Variants in VAV2 observed in about 807,000 individuals in gnomAD.
The protein encoded by VAV2 is vav guanine nucleotide exchange factor 2.
In VAV2, 67 loss-of-function variants were observed where a neutral mutation model predicts 132.5. The observed-to-expected ratio is 0.51, with a 90% CI of 0.42 to 0.62. The LOEUF (loss-of-function observed/expected upper bound fraction) is 0.62, where lower values mean the gene tolerates loss of function less well. Ranked by LOEUF, VAV2 falls within the 20% of genes least tolerant of loss-of-function variation. The pLI is 0.00. For missense variants in VAV2, 938 were observed against 1,153.6 expected, an observed-to-expected ratio of 0.81 and a Z score of 2.71; for synonymous variants, 492 against 443.5, an observed-to-expected ratio of 1.11 and a Z score of -1.37.
intron 3 of VAV2, among the ~76,000 whole-genome samples, chr9:133,853,069 T>G (rs1325925553): frequency 6.6e-6 from 1 of 152,052 alleles, no homozygotes; most frequent in East Asian, 1.9e-4. Flanking sequence ...GTGGCAAGAC[T>G]GGATTCCAGC....
chr9:133,920,251 T>C (rs1401885101), intron 2 of VAV2, among the ~76,000 whole-genome samples: 4 of 152,238 alleles, frequency 2.6e-5, no homozygotes, highest in Non-Finnish European at 5.9e-5. Context: ...GTCCGGGCTC[T>C]GCCTCCAGTC....
intron 2 of VAV2, among the ~76,000 whole-genome samples, chr9:133,929,427 G>T (rs753681693): frequency 6.6e-5 from 10 of 152,188 alleles, no homozygotes; most frequent in Non-Finnish European, 1.0e-4. Flanking sequence ...GTGCTGTGCT[G>T]ACAGGTGGGA....
At position 133,834,138 on chromosome 9, in the gene VAV2, GC is replaced by G; in HGVS notation, c.449+133del. The G allele has an allele frequency of 1.0e-6, 1 of 969,862 alleles. No homozygotes were observed. 60.1% of individuals were successfully genotyped at this position (969,862 alleles called of 1,614,324 possible). On this transcript the variant is annotated intron_variant, in intron 4 of 29. Coordinates refer to ENST00000371850, the MANE Select transcript of VAV2 (RefSeq NM_001134398.2). This position sits in a 1 kb window ranked among gnomAD's most constrained non-coding sequence, Gnocchi z 5.9. ...ACACCATGACCCATCATGAGGAGATGCCCCGGTGGGAAGGGCCAGGGCCAGC... is the reference window on the plus strand; with the variant it reads ...ACACCATGACCCATCATGAGGAGATGCCCGGTGGGAAGGGCCAGGGCCAGC...
At chr9:133,925,247 C>T (rs1280226638) in intron 2 of VAV2, among the ~76,000 whole-genome samples, 5 of 152,216 alleles carry the variant, frequency 3.3e-5, no homozygotes, top group African/African-American at 4.8e-5. Flanking sequence ...GACAGGGTCT[C>T]GCTCTGTTGC....
chr9:133,933,567 TGG>T (rs1840766364), intron 2 of VAV2, among the ~76,000 whole-genome samples: 1 of 148,658 alleles, frequency 6.7e-6, no homozygotes, highest in Non-Finnish European at 1.5e-5. Context: ...GGTGGATGGA[TGG>T]ATGGATGGTG....
chr9:133,819,043 C>CCTCCATAAACAAGTTT (rs1449745464), intron 4 of VAV2, among the ~76,000 whole-genome samples: 1 of 152,112 alleles, frequency 6.6e-6, no homozygotes, highest in Non-Finnish European at 1.5e-5. Flanking sequence ...CTGTGCCCAG[C>CCTCCATAAACAAGTTT]CACGCCTGTG....
At chr9:133,810,120 G>C (rs1835303450) in intron 6 of VAV2, 71 bp downstream of exon 6, 3 of 1,603,220 alleles carry the variant, frequency 1.9e-6, no homozygotes. Context: ...AGAGAGGTCT[G>C]AGACCTCCCT....
At chr9:133,766,117 A>C (rs1029559450) in intron 29 of VAV2, among the ~76,000 whole-genome samples, 2 of 152,222 alleles carry the variant, frequency 1.3e-5, no homozygotes, top group Non-Finnish European at 1.5e-5. Context: ...AAATACAATA[A>C]TGCAGGAGGA....
intron 2 of VAV2, among the ~76,000 whole-genome samples, chr9:133,933,993 T>C (rs1413889996): frequency 2.1e-5 from 3 of 143,442 alleles, no homozygotes; most frequent in East Asian, 2.2e-4. Flanking sequence ...GGTGAATGGG[T>C]GGGTAGATGG....
At chr9:133,908,431 C>T (rs1298198861) in intron 2 of VAV2, among the ~76,000 whole-genome samples, 2 of 152,112 alleles carry the variant, frequency 1.3e-5, no homozygotes, top group Non-Finnish European at 2.9e-5. Flanking sequence ...CAACCTCACA[C>T]CCTCTTCCCC....
chr9:133,771,887 G>A (rs1016898462), intron 26 of VAV2, 72 bp downstream of exon 26: 42 of 1,406,430 alleles, frequency 3.0e-5, no homozygotes, highest in Middle Eastern at 1.8e-4. Flanking sequence ...ATGGCCACTC[G>A]CTCAGGGCCG....
intron 2 of VAV2, among the ~76,000 whole-genome samples, chr9:133,867,125 G>A (rs989112615): frequency 3.9e-5 from 6 of 152,120 alleles, no homozygotes; most frequent in Admixed American, 2.6e-4. Flanking sequence ...GTGAGGACAC[G>A]GCCATGGGTC....
At chr9:133,848,841 G>T (rs1013550946) in intron 3 of VAV2, among the ~76,000 whole-genome samples, 1 of 152,218 alleles carries the variant, frequency 6.6e-6, no homozygotes, top group Non-Finnish European at 1.5e-5. Flanking sequence ...ACCCAGGCCC[G>T]TGTTTGGGTT....
At position 133,826,106 on chromosome 9, in the gene VAV2, C is replaced by G. The variant is rs1211123862; in HGVS notation, c.449+8166G>C. 3.2e-4 allele frequency among the ~76,000 whole-genome samples: 49 copies of G among 152,228 alleles called. No homozygotes were observed. The highest frequency in any genetic ancestry group is 3.1e-3 in the Admixed American group (48 of 15,286). On this transcript the variant is annotated intron_variant, in intron 4 of 29. Transcript: ENST00000371850. This position sits in a 1 kb window ranked among gnomAD's most constrained non-coding sequence, Gnocchi z 4.2. ...AACCAGTGTTATGCAAAGCAGGCTC[C>G]TAAATCATAAAATTGTGGATTCCTC...
rs937038518 is a variant in VAV2, at chr9:133,918,178, T to C, written c.321+20925A>G. ...ACTTGAAAGGCATCTCAGGGTGGTT[T>C]CCTCCAGTGACATTAATAGGGAAAC... On this transcript the variant is annotated intron_variant, in intron 2 of 29. Transcript: ENST00000371850. The surrounding 1 kb of genome is among the most constrained non-coding windows in gnomAD (Gnocchi z 4.7). Among the ~76,000 whole-genome samples the C allele has an allele frequency of 6.6e-6, 1 of 152,226 alleles. No homozygotes were observed. The highest frequency in any genetic ancestry group is 2.4e-5 in the African/African-American group (1 of 41,454).
At chr9:133,936,799 C>T (rs1055053481) in intron 2 of VAV2, among the ~76,000 whole-genome samples, 1 of 152,162 alleles carries the variant, frequency 6.6e-6, no homozygotes, top group Non-Finnish European at 1.5e-5. Flanking sequence ...TCCCAGCTCC[C>T]CATGAGAGAT....
chr9:133,957,375 C>T (rs1458047834), intron 1 of VAV2, among the ~76,000 whole-genome samples: 1 of 152,200 alleles, frequency 6.6e-6, no homozygotes, highest in African/African-American at 2.4e-5. Context: ...CACCACTAAC[C>T]ACTGAGGGCG....
chr9:133,808,241 C>T (rs78167377), intron 7 of VAV2, among the ~76,000 whole-genome samples: 6,644 of 152,272 alleles, frequency 0.044, 185 homozygotes, highest in Middle Eastern at 0.071. Context: ...TACAGATGTG[C>T]GTGCAGAAAG....
intron 1 of VAV2, among the ~76,000 whole-genome samples, chr9:133,959,145 C>G (rs924044215): frequency 6.6e-6 from 1 of 152,176 alleles, no homozygotes; most frequent in African/African-American, 2.4e-5. Flanking sequence ...CTGAAAATGG[C>G]AAATCCATAG....
Sources: gnomAD v4.1 joint callset for allele counts (sites outside exome capture counted in the v4.1 genomes callset) on GRCh38, gnomAD v4.1.1 for gene constraint, Gnocchi (gnomAD v3.1) non-coding constraint, MANE v1.5 for transcripts, NCBI Gene and HGNC (gene_info 2026-07-23, HGNC 2026-07-21) for gene names.